Variants in CCDC91 observed in about 807,000 individuals in gnomAD.
CCDC91 encodes the protein coiled-coil domain containing 91.
In CCDC91, 48 loss-of-function variants were observed where a neutral mutation model predicts 63.2. The ratio of observed to expected loss-of-function variants is 0.76; its 90% CI spans 0.60 to 0.97. The LOEUF (loss-of-function observed/expected upper bound fraction) is 0.97. Among genes scored for constraint, CCDC91 ranks in the 50% least tolerant of loss-of-function variants. The pLI, the probability that CCDC91 is intolerant of heterozygous loss-of-function variation, is 0.00. For synonymous variants in CCDC91, 167 were observed against 165.8 expected (o/e 1.01, Z -0.06); for missense variants, 500 against 494.6 (o/e 1.01, Z -0.10).
At chr12:28,548,730 T>C (rs1235130714) in intron 12 of CCDC91, among the ~76,000 whole-genome samples, 1 of 152,194 alleles carries the variant, frequency 6.6e-6, no homozygotes, top group Admixed American at 6.6e-5. Flanking sequence ...ATCTGTAATA[T>C]ATTTGTGGAT....
At chr12:28,253,095 T>C (rs935942848) in intron 1 of CCDC91, among the ~76,000 whole-genome samples, 10 of 152,230 alleles carry the variant, frequency 6.6e-5, no homozygotes, top group South Asian at 2.1e-4. Context: ...CTGCCTGTTA[T>C]TAAAATTAGA....
At chr12:28,317,090 G>T (rs1016524753) in intron 6 of CCDC91, among the ~76,000 whole-genome samples, 1 of 151,898 alleles carries the variant, frequency 6.6e-6, no homozygotes, top group Non-Finnish European at 1.5e-5. Context: ...TCTGTCTGAT[G>T]TCCTGTTACT....
At chr12:28,197,880 A>G (rs1941904584) in intron 1 of CCDC91, among the ~76,000 whole-genome samples, 1 of 152,112 alleles carries the variant, frequency 6.6e-6, no homozygotes, top group Non-Finnish European at 1.5e-5. Context: ...TTAAATAATT[A>G]GGATCATATT....
At chr12:28,326,259 G>C (rs867053548) in intron 6 of CCDC91, among the ~76,000 whole-genome samples, 1 of 151,820 alleles carries the variant, frequency 6.6e-6, no homozygotes, top group African/African-American at 2.4e-5. Context: ...CTCAAACTAC[G>C]GTTCGTTTTT....
intron 3 of CCDC91, among the ~76,000 whole-genome samples, chr12:28,286,846 T>C (rs1592207919): frequency 6.6e-6 from 1 of 152,186 alleles, no homozygotes; most frequent in Non-Finnish European, 1.5e-5. Context: ...TATAAGTGTT[T>C]CTATTTCTCT....
intron 3 of CCDC91, among the ~76,000 whole-genome samples, chr12:28,263,115 A>G (rs11049493): frequency 0.2 from 30,560 of 151,978 alleles, 4,023 homozygotes; most frequent in Non-Finnish European, 0.3. Context: ...TCTTTCAAGA[A>G]AAAGTATGGA....
At chr12:28,471,900 G>T (rs553119279) in intron 11 of CCDC91, among the ~76,000 whole-genome samples, 1 of 152,154 alleles carries the variant, frequency 6.6e-6, no homozygotes, top group African/African-American at 2.4e-5. Context: ...ACAGGCGTCT[G>T]CCATCATGCC....
intron 6 of CCDC91, 25 bp from the exon 7 acceptor site, chr12:28,362,413 G>T: frequency 6.7e-7 from 1 of 1,494,656 alleles, no homozygotes; most frequent in Non-Finnish European, 9.1e-7. Context: ...AAAAACTCAT[G>T]GTTTTAGTTT....
intron 7 of CCDC91, among the ~76,000 whole-genome samples, chr12:28,373,581 G>A (rs989577778): frequency 2.6e-5 from 4 of 151,198 alleles, no homozygotes; most frequent in Admixed American, 6.6e-5. Flanking sequence ...CTTTCTCCTC[G>A]TAACTGACAT....
intron 11 of CCDC91, among the ~76,000 whole-genome samples, chr12:28,462,524 G>A (rs1351883125): frequency 6.6e-6 from 1 of 151,984 alleles, no homozygotes; most frequent in Non-Finnish European, 1.5e-5. Flanking sequence ...AATCTAGTGT[G>A]TACCCATAGA....
chr12:28,316,857 A>G (rs755429303), intron 6 of CCDC91, among the ~76,000 whole-genome samples: 4 of 150,844 alleles, frequency 2.7e-5, no homozygotes, highest in Non-Finnish European at 5.9e-5. Flanking sequence ...TTCTCTCTCT[A>G]TTGTCTCTGG....
intron 1 of CCDC91, among the ~76,000 whole-genome samples, chr12:28,205,964 C>G (rs1591981874): frequency 1.3e-5 from 2 of 152,108 alleles, no homozygotes; most frequent in African/African-American, 4.8e-5. Context: ...AGTAAATGTA[C>G]TTATTTGGTC....
intron 6 of CCDC91, among the ~76,000 whole-genome samples, chr12:28,359,964 T>G (rs1182206808): frequency 1.3e-5 from 2 of 152,202 alleles, no homozygotes; most frequent in Non-Finnish European, 2.9e-5. Flanking sequence ...TTTGTTTGCT[T>G]GTTTATAGTG....
intron 11 of CCDC91, among the ~76,000 whole-genome samples, chr12:28,469,183 A>G (rs1950688017): frequency 6.6e-6 from 1 of 152,084 alleles, no homozygotes; most frequent in African/African-American, 2.4e-5. Context: ...ATATTTGGAA[A>G]AAACCTAAAG....
intron 8 of CCDC91, among the ~76,000 whole-genome samples, chr12:28,441,952 C>T (rs1380609059): frequency 2.6e-5 from 4 of 151,822 alleles, no homozygotes; most frequent in Admixed American, 6.6e-5. Context: ...TATGTAAAAT[C>T]TACCTAAAGA....
intron 12 of CCDC91, among the ~76,000 whole-genome samples, chr12:28,487,970 A>AAATTTAATTC (rs1592822662): frequency 6.6e-6 from 1 of 151,804 alleles, no homozygotes; most frequent in East Asian, 1.9e-4. Context: ...TTAAAAATTC[A>AAATTTAATTC]AAATGCTTAA....
chr12:28,197,077 T>C (rs1257460926), intron 1 of CCDC91, among the ~76,000 whole-genome samples: 1 of 152,190 alleles, frequency 6.6e-6, no homozygotes, highest in African/African-American at 2.4e-5. Flanking sequence ...CAAAGTAATT[T>C]ATAAAAATAT....
chr12:28,292,612 G>A (rs1039802034), intron 3 of CCDC91, among the ~76,000 whole-genome samples: 8 of 151,364 alleles, frequency 5.3e-5, no homozygotes, highest in Admixed American at 2.0e-4. Flanking sequence ...ATATGTTGGT[G>A]TGATGACTAA....
chr12:28,235,035 C>T (rs1410582713), intron 1 of CCDC91, among the ~76,000 whole-genome samples: 1 of 152,118 alleles, frequency 6.6e-6, no homozygotes, highest in Non-Finnish European at 1.5e-5. Flanking sequence ...TCTTCATGTG[C>T]TCTCTCCACA....
Sources: allele counts gnomAD v4.1 joint callset (sites outside exome capture counted in the v4.1 genomes callset), GRCh38; gene constraint gnomAD v4.1.1; transcripts MANE v1.5; gene names NCBI Gene and HGNC (gene_info 2026-07-23, HGNC 2026-07-21).